The following CDKL3 variants were observed in gnomAD, a reference collection of about 807,000 sequenced individuals.
The protein encoded by CDKL3 is cyclin-dependent kinase-like 3.
Under a neutral mutation model 69.3 loss-of-function variants are expected in CDKL3, and 65 were observed. That is an observed-to-expected ratio of 0.94 (90% CI 0.77 to 1.15). The LOEUF is 1.15. Among genes scored for constraint, CDKL3 ranks in the 50% most tolerant of loss-of-function variants. CDKL3 has a pLI of 0.00. For missense variants in CDKL3, 652 were observed against 689.2 expected, an observed-to-expected ratio of 0.95 and a Z score of 0.61; for synonymous variants, 202 against 221.6, an observed-to-expected ratio of 0.91 and a Z score of 0.79.
chr5:134,297,617 C>T (rs1391171393), downstream of CDKL3, among the ~76,000 whole-genome samples: 1 of 149,884 alleles, frequency 6.7e-6, no homozygotes, highest in Non-Finnish European at 1.5e-5. Flanking sequence ...GTTTCACTCT[C>T]GTTGCCCAGG....
chr5:134,371,424 G>A (rs1017355879), upstream of CDKL3: 2 of 834,696 alleles, frequency 2.4e-6, no homozygotes, highest in African/African-American at 1.7e-5. Flanking sequence ...AGGGCGGAGG[G>A]ATCCGGAGGC....
chr5:134,312,610 G>A lies in CDKL3; in HGVS notation c.793-230C>T, dbSNP rs576363863. On this transcript the variant is annotated intron_variant, in intron 6 of 12. Coordinates refer to ENST00000265334, the MANE Select transcript of CDKL3 (RefSeq NM_001113575.2). ...ATAGGTTAAATGTCCCATGATTCTA[G>A]CCAAAACAGAGGTCAGTCTGTTTCT... Among the ~76,000 whole-genome samples the A allele has an allele frequency of 1.2e-4, 18 of 152,320 alleles. No individual in the cohort carries two copies. The South Asian group carries it at 2.3e-3, about 19-fold the overall frequency.
At chr5:134,315,986 C>G (rs956075018) in intron 6 of CDKL3, among the ~76,000 whole-genome samples, 4 of 152,280 alleles carry the variant, frequency 2.6e-5, no homozygotes, top group African/African-American at 9.6e-5. Flanking sequence ...GGGTCTCACT[C>G]TGTTGCCCAG....
upstream of CDKL3, among the ~76,000 whole-genome samples, chr5:134,368,635 A>G (rs1299889800): frequency 2.0e-5 from 3 of 151,664 alleles, no homozygotes; most frequent in East Asian, 1.9e-4. Flanking sequence ...AAAAAAAAAA[A>G]AAAAAAGAAA....
intron 10 of CDKL3, among the ~76,000 whole-genome samples, chr5:134,305,854 A>G (rs1767675474): frequency 6.6e-6 from 1 of 152,244 alleles, no homozygotes; most frequent in African/African-American, 2.4e-5. Context: ...AAAATAAGCC[A>G]AAAACAAAAC....
Position 134,359,929 on chromosome 5 carries a change from G to T in CDKL3, c.328C>A (p.Leu110Ile), listed in dbSNP as rs749966730. The change falls in exon 3 of 13, where the codon CTT becomes ATT. Residue 110 changes from leucine (L) to isoleucine (I), a missense_variant. Coordinates refer to ENST00000265334, the MANE Select transcript of CDKL3 (RefSeq NM_001113575.2). Reference protein sequence around the residue: ...KRLRKYLFQILRAIDYLHSNN... With the variant: ...KRLRKYLFQIIRAIDYLHSNN... ...CTGTGAAGATAGTCAATTGCTCGAA[G>T]GATCTGGAAGAGGTATTTTCTAAGT... 2 of 1,586,620 alleles carry T rather than the reference G, an allele frequency of 1.3e-6. No homozygotes were observed. Among genetic ancestry groups the T allele is most frequent in the East Asian group, 2.3e-5 (1 of 44,334 alleles).
At chr5:134,333,516 G>C (rs377405468) in intron 4 of CDKL3, among the ~76,000 whole-genome samples, 1 of 152,144 alleles carries the variant, frequency 6.6e-6, no homozygotes, top group South Asian at 2.1e-4. Context: ...AGAGTTTTTA[G>C]CAAGAAATGC....
chr5:134,345,892 T>C (rs1037831746), intron 4 of CDKL3, among the ~76,000 whole-genome samples: 3 of 152,116 alleles, frequency 2.0e-5, no homozygotes, highest in South Asian at 4.1e-4. Context: ...TCAGTAATAA[T>C]AACAATTGTG....
chr5:134,349,099 T>C (rs1274504073), intron 4 of CDKL3, among the ~76,000 whole-genome samples: 2 of 152,186 alleles, frequency 1.3e-5, no homozygotes, highest in Non-Finnish European at 2.9e-5. Context: ...CTGTTTAAAA[T>C]GAGAATGCTA....
At position 134,314,101 on chromosome 5, in the gene CDKL3, C is replaced by T. The variant is rs555527562; in HGVS notation, c.793-1721G>A. 5.9e-5 allele frequency among the ~76,000 whole-genome samples: 9 copies of T among 152,224 alleles called. No homozygotes were observed. The East Asian group carries it at 1.2e-3, about 20-fold the overall frequency. On this transcript the variant is annotated intron_variant, in intron 6 of 12. Transcript: ENST00000265334. ...AGGAGGTTGCGGTGAGCCAAGATCA[C>T]GCCATTGCACTCCAGCCTGGGCAAG...
chr5:134,325,654 T>C (rs1164438096), intron 4 of CDKL3, among the ~76,000 whole-genome samples: 1 of 152,192 alleles, frequency 6.6e-6, no homozygotes, highest in Non-Finnish European at 1.5e-5. Flanking sequence ...GGTGGTTATA[T>C]AGTGGTACCA....
At chr5:134,337,068 C>T (rs1315071978) in intron 4 of CDKL3, among the ~76,000 whole-genome samples, 1 of 152,282 alleles carries the variant, frequency 6.6e-6, no homozygotes, top group East Asian at 1.9e-4. Context: ...GGATGCCCCT[C>T]CCCCCACCAA....
chr5:134,361,517 A>G (rs1282761624), intron 2 of CDKL3, among the ~76,000 whole-genome samples: 1 of 152,242 alleles, frequency 6.6e-6, no homozygotes, highest in Non-Finnish European at 1.5e-5. Context: ...CATCCAAAAT[A>G]TAACACCAGA....
intron 2 of CDKL3, among the ~76,000 whole-genome samples, chr5:134,365,043 C>T (rs1475354775): frequency 4.6e-5 from 7 of 150,570 alleles, no homozygotes; most frequent in African/African-American, 1.5e-4. Flanking sequence ...AGTGCAGTGG[C>T]GCTGTCTTGG....
At chr5:134,310,891 T>C (rs984684914) in intron 7 of CDKL3, among the ~76,000 whole-genome samples, 4 of 152,232 alleles carry the variant, frequency 2.6e-5, no homozygotes, top group Non-Finnish European at 5.9e-5. Flanking sequence ...TTTTTCTATT[T>C]AGTCTATCTC....
chr5:134,321,005 CTT>C (rs1047803739), intron 5 of CDKL3, among the ~76,000 whole-genome samples: 166 of 123,530 alleles, frequency 1.3e-3, no homozygotes, highest in African/African-American at 4.7e-3. Flanking sequence ...CAAACATATT[CTT>C]TTTTTTTTTT....
At chr5:134,370,145 G>C (rs1758204726), upstream of CDKL3, among the ~76,000 whole-genome samples, 1 of 152,156 alleles carries the variant, frequency 6.6e-6, no homozygotes. Flanking sequence ...ATGGAATCAG[G>C]GGCAAGGCTG....
chr5:134,319,385 A>G lies in CDKL3; in HGVS notation c.765T>C (p.Leu255=). 6.5e-7 allele frequency: 1 copy of G among 1,529,790 alleles called. No homozygotes were observed. The highest frequency in any genetic ancestry group is 1.3e-5 in the South Asian group (1 of 78,946). 94.8% of individuals were successfully genotyped at this position (1,529,790 alleles called of 1,614,324 possible). Reference sequence around the variant, plus strand: ...GAACTATATCTGCCAACAATCCATTAAGCTTTGGATATTTTTTTCTTGCAT... The same window carrying G: ...GAACTATATCTGCCAACAATCCATTGAGCTTTGGATATTTTTTTCTTGCAT... ...PKNARKKYPK[L]NGLLADIVHA... Residue 255 remains leucine (L), a synonymous_variant, in exon 6 of 13, where the codon CTT becomes CTC. Transcript: ENST00000265334.
At chr5:134,328,462 G>A (rs906418618) in intron 4 of CDKL3, among the ~76,000 whole-genome samples, 1 of 152,048 alleles carries the variant, frequency 6.6e-6, no homozygotes, top group African/African-American at 2.4e-5. Context: ...TCATGAACTT[G>A]AAGACAAGAC....
Sources: allele counts gnomAD v4.1 joint callset (sites outside exome capture counted in the v4.1 genomes callset), GRCh38; gene constraint gnomAD v4.1.1; transcripts MANE v1.5; gene names NCBI Gene and HGNC (gene_info 2026-07-23, HGNC 2026-07-21).